RPH3A: variants seen among roughly 807,000 people sequenced by gnomAD.
RPH3A encodes the protein rabphilin-3A.
RPH3A carries 48 observed loss-of-function variants against 102.2 expected under a neutral mutation model. The observed-to-expected ratio is 0.47, with a 90% CI of 0.37 to 0.60. RPH3A has a LOEUF of 0.60. Among genes scored for constraint, RPH3A ranks in the 20% least tolerant of loss-of-function variants. The pLI is 0.00. For missense variants in RPH3A, 781 were observed against 910.1 expected (o/e 0.86, Z 1.83); for synonymous variants, 310 against 324.3 (o/e 0.96, Z 0.47).
In RPH3A at chr12:112,879,189, T is replaced by TAAGGCCAAGGTGGGTGA; in HGVS notation, c.1243_1251+8dup. The TAAGGCCAAGGTGGGTGA allele has an allele frequency of 6.2e-7, 1 of 1,613,796 alleles. No homozygotes were observed. The highest frequency in any genetic ancestry group is 2.2e-5 in the East Asian group (1 of 44,868). The stretch of plus-strand genomic sequence containing the variant: ...ACAGCTCCCTGCAGTGCACCATCAT[T>TAAGGCCAAGGTGGGTGA]AAGGCCAAGGTGGGTGATGGGGACC... On this transcript the variant is annotated frameshift_variant, in exon 14 of 22. Transcript: ENST00000389385. LOFTEE classifies it high-confidence loss of function.
intron 2 of RPH3A, among the ~76,000 whole-genome samples, chr12:112,794,021 G>A (rs1034817870): frequency 1.3e-5 from 2 of 152,244 alleles, no homozygotes; most frequent in African/African-American, 2.4e-5. Flanking sequence ...TGGGTGTCCA[G>A]ATGTGGACAC....
intron 4 of RPH3A, among the ~76,000 whole-genome samples, chr12:112,840,436 C>G (rs989819061): frequency 1.3e-5 from 2 of 152,174 alleles, no homozygotes; most frequent in African/African-American, 4.8e-5. Flanking sequence ...TTCCTTCTAT[C>G]TATGAGTATT....
intron 1 of RPH3A, among the ~76,000 whole-genome samples, chr12:112,625,009 C>T (rs1438467817): frequency 9.0e-6 from 1 of 111,412 alleles, no homozygotes; most frequent in African/African-American, 3.8e-5. Flanking sequence ...TTCAACAACA[C>T]TTCATGCTAA....
chr12:112,691,029 A>G (rs1592945467), intron 1 of RPH3A, among the ~76,000 whole-genome samples: 1 of 149,694 alleles, frequency 6.7e-6, no homozygotes, highest in South Asian at 2.1e-4. Flanking sequence ...TATCATGACC[A>G]TCTTTTTTTT....
intron 1 of RPH3A, among the ~76,000 whole-genome samples, chr12:112,615,948 A>G (rs562913547): frequency 6.6e-6 from 1 of 152,238 alleles, no homozygotes; most frequent in East Asian, 1.9e-4. Context: ...GTTGTTTGAG[A>G]TGGGGGCACT....
intron 1 of RPH3A, among the ~76,000 whole-genome samples, chr12:112,679,227 C>T (rs960888461): frequency 2.0e-5 from 3 of 152,066 alleles, no homozygotes; most frequent in African/African-American, 7.3e-5. Flanking sequence ...AGTCTCGGCT[C>T]ACTGCAACCT....
chr12:112,609,969 A>G (rs1465488553), intron 1 of RPH3A, among the ~76,000 whole-genome samples: 1 of 152,066 alleles, frequency 6.6e-6, no homozygotes, highest in Admixed American at 6.6e-5. Flanking sequence ...ATGGCTTCCT[A>G]TTGCTTTGAG....
At chr12:112,825,746 A>G (rs1419252899) in intron 2 of RPH3A, among the ~76,000 whole-genome samples, 3 of 152,164 alleles carry the variant, frequency 2.0e-5, no homozygotes, top group Non-Finnish European at 2.9e-5. Flanking sequence ...CGCACGGCTT[A>G]CATGTTAGCA....
intron 1 of RPH3A, among the ~76,000 whole-genome samples, chr12:112,749,428 G>A (rs116132893): frequency 0.012 from 1,884 of 152,226 alleles, 45 homozygotes; most frequent in African/African-American, 0.043. Flanking sequence ...GTAAAAGGAG[G>A]CAATTGAACT....
At chr12:112,796,069 G>C (rs1416212368) in intron 2 of RPH3A, among the ~76,000 whole-genome samples, 1 of 151,464 alleles carries the variant, frequency 6.6e-6, no homozygotes, top group Non-Finnish European at 1.5e-5. Flanking sequence ...AGTTGCTGCA[G>C]GTCCCCATAA....
chr12:112,896,004 G>C (rs2043173500), intron 21 of RPH3A, 131 bp downstream of exon 21: 1 of 641,890 alleles, frequency 1.6e-6, no homozygotes, highest in African/African-American at 1.8e-5. Context: ...ATGCTAAATT[G>C]AGACCCATGA....
chr12:112,628,727 A>AC (rs1330249605), intron 1 of RPH3A, among the ~76,000 whole-genome samples: 2 of 151,540 alleles, frequency 1.3e-5, no homozygotes, highest in South Asian at 2.1e-4. Context: ...ACAGAGTGAG[A>AC]CCCCATCTCT....
intron 1 of RPH3A, among the ~76,000 whole-genome samples, chr12:112,738,726 C>T (rs1023106033): frequency 2.1e-4 from 32 of 152,104 alleles, no homozygotes; most frequent in African/African-American, 7.5e-4. Flanking sequence ...AAATTAAACC[C>T]GTCCCATCAC....
chr12:112,659,708 T>A (rs1308924124), intron 1 of RPH3A, among the ~76,000 whole-genome samples: 1 of 152,210 alleles, frequency 6.6e-6, no homozygotes, highest in Admixed American at 6.5e-5. Context: ...TCAATCAATC[T>A]ATCTATCCAT....
At chr12:112,736,655 A>G (rs577077304) in intron 1 of RPH3A, among the ~76,000 whole-genome samples, 4 of 152,336 alleles carry the variant, frequency 2.6e-5, no homozygotes, top group African/African-American at 9.6e-5. Flanking sequence ...TTAAAGATTT[A>G]AAGCTGTCAG....
chr12:112,657,434 A>G (rs1275426581), intron 1 of RPH3A, among the ~76,000 whole-genome samples: 4 of 152,194 alleles, frequency 2.6e-5, no homozygotes, highest in African/African-American at 9.6e-5. Context: ...AGTGACATAG[A>G]CATTTATTAT....
chr12:112,599,748 C>T (rs955774412), intron 1 of RPH3A, among the ~76,000 whole-genome samples: 3 of 152,150 alleles, frequency 2.0e-5, no homozygotes, highest in African/African-American at 4.8e-5. Flanking sequence ...TATCCCACCA[C>T]CCTTCCCATC....
At chr12:112,647,592 T>G (rs750103572) in intron 1 of RPH3A, among the ~76,000 whole-genome samples, 1 of 136,792 alleles carries the variant, frequency 7.3e-6, no homozygotes, top group South Asian at 2.3e-4. Flanking sequence ...CTAGAGAGGG[T>G]GTGTGTGTGT....
intron 2 of RPH3A, among the ~76,000 whole-genome samples, chr12:112,812,629 C>T (rs974488665): frequency 1.3e-5 from 2 of 152,020 alleles, no homozygotes; most frequent in Non-Finnish European, 2.9e-5. Flanking sequence ...TTGGTGGATC[C>T]CAGCTTGTAG....
Sources: allele counts gnomAD v4.1 joint callset (sites outside exome capture counted in the v4.1 genomes callset), GRCh38; gene constraint gnomAD v4.1.1; transcripts MANE v1.5; gene names NCBI Gene and HGNC (gene_info 2026-07-23, HGNC 2026-07-21).